The following ADGRL2 variants were observed in gnomAD, a reference collection of about 807,000 sequenced individuals.
ADGRL2 encodes adhesion G protein-coupled receptor L2, also known as calcium-independent alpha-latrotoxin receptor 2.
A neutral mutation model predicts 157.4 loss-of-function variants in ADGRL2; 44 were observed. The observed-to-expected ratio is 0.28, with a 90% confidence interval of 0.22 to 0.36. The LOEUF is 0.36. Ranked by LOEUF, ADGRL2 falls within the 10% of genes least tolerant of loss-of-function variation. The probability of loss-of-function intolerance (pLI) is 1.00; values close to 1 mark genes in which losing one functional copy is unlikely to be tolerated. For missense variants in ADGRL2, 1,510 were observed against 1,768.9 expected, an observed-to-expected ratio of 0.85 and a Z score of 2.63; for synonymous variants, 585 against 624.7, an observed-to-expected ratio of 0.94 and a Z score of 0.95.
intron 1 of ADGRL2, among the ~76,000 whole-genome samples, chr1:81,827,816 C>T (rs546431962): frequency 3.3e-5 from 5 of 152,230 alleles, no homozygotes; most frequent in East Asian, 1.9e-4. Context: ...CCACCGGCCT[C>T]GGACTCCCAA....
chr1:81,338,047 G>C (rs1235239519), intron 1 of ADGRL2, among the ~76,000 whole-genome samples: 3 of 152,050 alleles, frequency 2.0e-5, no homozygotes, highest in African/African-American at 7.2e-5. Flanking sequence ...TAAGCTAAAA[G>C]TGGTATTGAC....
intron 2 of ADGRL2, among the ~76,000 whole-genome samples, chr1:81,780,103 C>A (rs1467308300): frequency 6.6e-6 from 1 of 152,166 alleles, no homozygotes; most frequent in African/African-American, 2.4e-5. Flanking sequence ...TTATGTTCGT[C>A]TAGATTTTTA....
intron 1 of ADGRL2, among the ~76,000 whole-genome samples, chr1:81,425,993 A>G (rs2077207365): frequency 6.6e-6 from 1 of 152,100 alleles, no homozygotes; most frequent in African/African-American, 2.4e-5. Flanking sequence ...CAGCCTCCCA[A>G]GTAGCTGGGA....
rs1464744437 is a variant in ADGRL2, at chr1:81,969,213, C to A, written c.2559C>A (p.Val853=). Residue 853 remains valine, a synonymous_variant, in exon 15 of 24, where the codon GTC becomes GTA. Transcript: ENST00000686636. The part of the protein sequence containing the change: ...KDGVHELLLT[V]ITWVGIVISL... ...GCGTTCATGAATTACTTCTTACAGTCATCACCTGGGTGGGAATTGTCATTT... is the reference window on the plus strand; with the variant it reads ...GCGTTCATGAATTACTTCTTACAGTAATCACCTGGGTGGGAATTGTCATTT... 1 of 1,613,792 alleles carries A rather than the reference C, an allele frequency of 6.2e-7. No homozygotes were observed. Among genetic ancestry groups the A allele is most frequent in the Non-Finnish European group, 8.5e-7 (1 of 1,179,846 alleles).
chr1:81,343,918 G>A (rs181837310), intron 1 of ADGRL2, among the ~76,000 whole-genome samples: 1 of 152,178 alleles, frequency 6.6e-6, no homozygotes, highest in Non-Finnish European at 1.5e-5. Context: ...AAATTTTGAG[G>A]AGACACAAGC....
intron 2 of ADGRL2, among the ~76,000 whole-genome samples, chr1:81,775,650 GAGA>G (rs1209869831): frequency 6.6e-6 from 1 of 151,978 alleles, no homozygotes; most frequent in Non-Finnish European, 1.5e-5. Context: ...CAGAGTGTGT[GAGA>G]AGAAGTCATG....
intron 2 of ADGRL2, among the ~76,000 whole-genome samples, chr1:81,465,973 G>GA (rs1488437985): frequency 6.6e-6 from 1 of 152,108 alleles, no homozygotes; most frequent in Non-Finnish European, 1.5e-5. Context: ...AAAAAGTGAG[G>GA]AAAGACCAAG....
intron 2 of ADGRL2, among the ~76,000 whole-genome samples, chr1:81,509,139 G>C (rs1311599845): frequency 6.6e-6 from 1 of 152,096 alleles, no homozygotes; most frequent in Non-Finnish European, 1.5e-5. Flanking sequence ...AAAATCTAGA[G>C]TAATGGAGTA....
chr1:81,978,077 T>TAA (rs551181143), intron 17 of ADGRL2, among the ~76,000 whole-genome samples: 2 of 147,504 alleles, frequency 1.4e-5, no homozygotes, highest in South Asian at 2.1e-4. Context: ...TGCATAAAAT[T>TAA]AAAAAAAAAA....
At chr1:81,755,218 A>ATATATG (rs142620893) in intron 1 of ADGRL2, among the ~76,000 whole-genome samples, 68,739 of 146,804 alleles carry the variant, frequency 0.47, 17,032 homozygotes, top group East Asian at 0.85. Context: ...ATATATGAAG[A>ATATATG]TATATACATA....
At chr1:81,496,977 C>G (rs1429292277) in intron 2 of ADGRL2, among the ~76,000 whole-genome samples, 1 of 151,994 alleles carries the variant, frequency 6.6e-6, no homozygotes, top group Non-Finnish European at 1.5e-5. Context: ...ACTTAAAAAC[C>G]CTTTTCATTT....
chr1:81,427,641 G>A, intron 1 of ADGRL2: 1 of 570,920 alleles, frequency 1.8e-6, no homozygotes, highest in East Asian at 2.9e-5. Context: ...GCAGCTCTTA[G>A]CAGGAGAGAG....
At chr1:81,641,645 C>T (rs2082220834) in intron 3 of ADGRL2, among the ~76,000 whole-genome samples, 1 of 152,026 alleles carries the variant, frequency 6.6e-6, no homozygotes, top group South Asian at 2.1e-4. Flanking sequence ...AAAATGAAGA[C>T]AAAGTTTTGA....
chr1:81,647,169 C>G (rs1044969093), intron 3 of ADGRL2, among the ~76,000 whole-genome samples: 1 of 152,168 alleles, frequency 6.6e-6, no homozygotes, highest in Admixed American at 6.5e-5. Flanking sequence ...CTTTTCAGCA[C>G]ATAATCTGCC....
At chr1:81,525,564 C>T (rs1389116611) in intron 2 of ADGRL2, among the ~76,000 whole-genome samples, 1 of 152,134 alleles carries the variant, frequency 6.6e-6, no homozygotes, top group Non-Finnish European at 1.5e-5. Flanking sequence ...GTGATCTGCC[C>T]CTTTCAGCCT....
intron 2 of ADGRL2, among the ~76,000 whole-genome samples, chr1:81,561,971 A>T (rs1331447837): frequency 1.3e-5 from 2 of 152,182 alleles, no homozygotes; most frequent in African/African-American, 4.8e-5. Flanking sequence ...AAAAGTTAGC[A>T]TCATTTATAT....
At chr1:81,871,610 T>G (rs1156715664) in intron 2 of ADGRL2, among the ~76,000 whole-genome samples, 3 of 152,158 alleles carry the variant, frequency 2.0e-5, no homozygotes, top group Non-Finnish European at 2.9e-5. Flanking sequence ...TTTCCTGACT[T>G]TATAATGATC....
At chr1:81,950,558 T>C in intron 7 of ADGRL2, 76 bp downstream of exon 7, 1 of 1,352,136 alleles carries the variant, frequency 7.4e-7, no homozygotes. Context: ...AGTGATTTTA[T>C]TCAAAGAAAG....
chr1:81,855,618 A>G (rs752697721), intron 2 of ADGRL2, among the ~76,000 whole-genome samples: 6 of 151,756 alleles, frequency 4.0e-5, no homozygotes, highest in Non-Finnish European at 5.9e-5. Flanking sequence ...TTCAATGCGA[A>G]TATGTTGTCA....
Sources: gnomAD v4.1 joint callset for allele counts (sites outside exome capture counted in the v4.1 genomes callset) on GRCh38, gnomAD v4.1.1 for gene constraint, MANE v1.5 for transcripts, NCBI Gene and HGNC (gene_info 2026-07-23, HGNC 2026-07-21) for gene names.